The following HECW2 variants were observed in gnomAD, a reference collection of about 807,000 sequenced individuals.
HECW2 encodes the protein E3 ubiquitin-protein ligase HECW2.
A neutral mutation model predicts 175.2 loss-of-function variants in HECW2; 61 were observed. That is an observed-to-expected ratio of 0.35 (90% CI 0.28 to 0.43). HECW2 has a LOEUF of 0.43. Among genes scored for constraint, HECW2 ranks in the 20% least tolerant of loss-of-function variants. The pLI, the probability that HECW2 is intolerant of heterozygous loss-of-function variation, is 1.00. For missense variants in HECW2, 1,524 were observed against 2,000.5 expected (o/e 0.76, Z 4.54); for synonymous variants, 671 against 731.0 (o/e 0.92, Z 1.32).
Position 196,242,122 on chromosome 2 carries a change from T to C in HECW2, c.3612A>G (p.Leu1204=). 1 of 1,614,196 alleles carries C rather than the reference T, an allele frequency of 6.2e-7. No individual in the cohort carries two copies. The highest frequency in any genetic ancestry group is 1.3e-5 in the African/African-American group (1 of 75,066). ...GGCCTTGTCCATATCCTTTAGTCTCTAACTTCCTGTAAAAGTTCCTCAGTT... is the reference window on the plus strand; with the variant it reads ...GGCCTTGTCCATATCCTTTAGTCTCCAACTTCCTGTAAAAGTTCCTCAGTT... ...EAKLRNFYRK[L]ETKGYGQGPG... is the part of the protein sequence containing the mutation. The change falls in exon 20 of 29, where the codon TTA becomes TTG. Residue 1204 remains leucine (L), a synonymous_variant. Transcript: ENST00000644978.
intron 2 of HECW2, chr2:196,362,207 G>A (rs1693610286): frequency 2.0e-6 from 2 of 985,192 alleles, no homozygotes; most frequent in African/African-American, 3.5e-5. Flanking sequence ...CCTCGGCTGA[G>A]GCAGTCGTGG....
At chr2:196,441,308 C>G (rs1295062677) in intron 1 of HECW2, among the ~76,000 whole-genome samples, 1 of 151,702 alleles carries the variant, frequency 6.6e-6, no homozygotes, top group Non-Finnish European at 1.5e-5. Flanking sequence ...ATAAATAAAA[C>G]CAATAATAAT....
chr2:196,321,148 A>G (rs1344362023), intron 7 of HECW2, among the ~76,000 whole-genome samples: 2 of 152,168 alleles, frequency 1.3e-5, no homozygotes, highest in Non-Finnish European at 2.9e-5. Context: ...CCTTGTAAGC[A>G]GTGCTGATGG....
In HECW2 at chr2:196,318,630, G is replaced by T. The variant is rs752755680; in HGVS notation, c.2260C>A (p.Pro754Thr). The T allele has an allele frequency of 1.9e-6, 3 of 1,591,986 alleles. No individual in the cohort carries two copies. Among genetic ancestry groups the T allele is most frequent in the South Asian group, 1.1e-5 (1 of 87,338 alleles). The change falls in exon 9 of 29, where the codon CCG becomes ACG. Residue 754 changes from proline (P) to threonine (T), a missense_variant. This residue lies in a region of HECW2 where 604 missense variants were observed against 588.3 expected (regional missense o/e 1.03). Coordinates refer to ENST00000644978, the MANE Select transcript of HECW2 (RefSeq NM_001348768.2). Reference protein sequence around the residue: ...EGAAAAAESPPQEEGSAGEAQ... With the variant: ...EGAAAAAESPTQEEGSAGEAQ... ...TCCCCAGCACTGCCTTCTTCTTGCG[G>T]TGGGCTCTCGGCAGCAGCTGCAGCT...
intron 28 of HECW2, among the ~76,000 whole-genome samples, chr2:196,209,546 G>A (rs759768650): frequency 6.6e-6 from 1 of 152,182 alleles, no homozygotes; most frequent in African/African-American, 2.4e-5. Flanking sequence ...AGGAGTTGAA[G>A]AGAGTCTTGG....
At position 196,318,938 on chromosome 2, in the gene HECW2, G is replaced by A. The variant is rs541818813; in HGVS notation, c.1952C>T (p.Thr651Met). The change falls in exon 9 of 29, where the codon ACG becomes ATG. Residue 651 changes from threonine (T) to methionine (M), a missense_variant. Thr to Met is a moderately conservative substitution (Grantham distance 81, BLOSUM62 -1). This residue lies in a region of HECW2 where 604 missense variants were observed against 588.3 expected (regional missense o/e 1.03). Transcript: ENST00000644978. ...CCGTGTGTCCACAGAGGACAGCTGC[G>A]TGGTCACACTCTCATTGCAGGAGCT... ...ADSSCNESVT[T>M]QLSSVDTRCS... 38 of 1,606,076 alleles carry A rather than the reference G, an allele frequency of 2.4e-5. No homozygotes were observed. The highest frequency in any genetic ancestry group is 1.1e-4 in the East Asian group (5 of 44,878).
At position 196,538,505 on chromosome 2, in the gene HECW2, C is replaced by T. The variant is rs371725976; in HGVS notation, c.-36+55003G>A. On this transcript the variant is annotated intron_variant, in intron 1 of 28. Transcript: ENST00000644978. ...AGAGGTTTTGGGAAAGTTCTTTACA[C>T]TCCTGTCCCACAGTACATTTTTGGG... Among the ~76,000 whole-genome samples the T allele has an allele frequency of 4.6e-5, 7 of 152,314 alleles. No homozygotes were observed. The East Asian group carries it at 1.2e-3, about 25-fold the overall frequency.
At chr2:196,539,364 G>A (rs1022453157) in intron 1 of HECW2, among the ~76,000 whole-genome samples, 1 of 152,230 alleles carries the variant, frequency 6.6e-6, no homozygotes, top group Non-Finnish European at 1.5e-5. Context: ...CGGACGCAGT[G>A]GCTCATGCCT....
At chr2:196,585,932 T>C (rs1283209964) in intron 1 of HECW2, among the ~76,000 whole-genome samples, 2 of 152,172 alleles carry the variant, frequency 1.3e-5, no homozygotes, top group African/African-American at 4.8e-5. Flanking sequence ...CAGTTTTCTC[T>C]ACCTCCTTCA....
intron 2 of HECW2, among the ~76,000 whole-genome samples, chr2:196,424,856 T>C (rs995250609): frequency 6.6e-6 from 1 of 152,182 alleles, no homozygotes; most frequent in Non-Finnish European, 1.5e-5. Flanking sequence ...GCTAAGATCA[T>C]TGATTAAGGT....
chr2:196,564,723 T>C (rs1296778442), intron 1 of HECW2, among the ~76,000 whole-genome samples: 1 of 152,096 alleles, frequency 6.6e-6, no homozygotes, highest in African/African-American at 2.4e-5. Context: ...TAACCTTATT[T>C]TTTCTCATAA....
At chr2:196,333,728 T>C (rs1338770082) in intron 4 of HECW2, among the ~76,000 whole-genome samples, 3 of 152,196 alleles carry the variant, frequency 2.0e-5, no homozygotes. Flanking sequence ...TAAAATAAAA[T>C]TTAAAAAATC....
intron 1 of HECW2, among the ~76,000 whole-genome samples, chr2:196,471,299 T>C (rs1284942371): frequency 6.6e-6 from 1 of 152,138 alleles, no homozygotes; most frequent in East Asian, 1.9e-4. Context: ...TGGCTATTAT[T>C]AAGAAATCAA....
At chr2:196,216,120 C>T in intron 27 of HECW2, 143 bp from the exon 28 acceptor site, 1 of 614,536 alleles carries the variant, frequency 1.6e-6, no homozygotes, top group Non-Finnish European at 2.9e-6. Flanking sequence ...GTGGAATAAT[C>T]ACAACACAAT....
rs1178025684 is a variant in HECW2, at chr2:196,278,613, C to T, written c.3050G>A (p.Arg1017Gln). 2.5e-6 allele frequency: 4 copies of T among 1,613,772 alleles called. No individual in the cohort carries two copies. Among genetic ancestry groups the T allele is most frequent in the African/African-American group, 2.7e-5 (2 of 74,852 alleles). ...NSRTTTFIDPRLPLQSSRPTS... is the reference protein window; with the variant it reads ...NSRTTTFIDPQLPLQSSRPTS... ...GGGTCTACTGCTCTGAAGTGGGAGC[C>T]GGGGATCAATGAAAGTGGTGGTGCG... The change falls in exon 15 of 29, where the codon CGG becomes CAG. Residue 1017 changes from arginine (R) to glutamine (Q), a missense_variant. Arg to Gln is a conservative substitution (Grantham distance 43, BLOSUM62 1). Coordinates refer to ENST00000644978, the MANE Select transcript of HECW2 (RefSeq NM_001348768.2).
At chr2:196,587,223 A>G (rs771816681) in intron 1 of HECW2, among the ~76,000 whole-genome samples, 3 of 152,370 alleles carry the variant, frequency 2.0e-5, no homozygotes, top group Non-Finnish European at 4.4e-5. Context: ...ATAACAGAGA[A>G]GCCACTGTGC....
intron 19 of HECW2, among the ~76,000 whole-genome samples, chr2:196,244,464 C>T (rs1575284020): frequency 2.0e-5 from 3 of 152,140 alleles, no homozygotes; most frequent in Admixed American, 2.0e-4. Context: ...GCTTGCATTT[C>T]CTTGGGGATC....
intron 2 of HECW2, among the ~76,000 whole-genome samples, chr2:196,424,129 C>T (rs751360945): frequency 4.6e-5 from 7 of 151,824 alleles, no homozygotes; most frequent in Non-Finnish European, 7.4e-5. Flanking sequence ...TTATGCCTGT[C>T]GTGATGATCT....
chr2:196,300,713 T>A (rs1337093419), intron 13 of HECW2, among the ~76,000 whole-genome samples: 1 of 119,788 alleles, frequency 8.3e-6, no homozygotes, highest in Non-Finnish European at 1.9e-5. Context: ...TATATACATA[T>A]ATCTCACATG....
Sources: gnomAD v4.1 joint callset for allele counts (sites outside exome capture counted in the v4.1 genomes callset) on GRCh38, gnomAD v4.1.1 for gene constraint, gnomAD v4.1.1 regional missense constraint, MANE v1.5 for transcripts, NCBI Gene and HGNC (gene_info 2026-07-23, HGNC 2026-07-21) for gene names.